SGCZ: variants seen among roughly 807,000 people sequenced by gnomAD.
SGCZ encodes sarcoglycan zeta.
Under a neutral mutation model 41.3 loss-of-function variants are expected in SGCZ, and 40 were observed. The observed-to-expected ratio is 0.97, with a 90% confidence interval of 0.75 to 1.26. The LOEUF (loss-of-function observed/expected upper bound fraction) is 1.26, where lower values mean the gene tolerates loss of function less well. Among genes scored for constraint, SGCZ ranks in the 50% most tolerant of loss-of-function variants. The pLI is 0.00. For missense variants in SGCZ, 552 were observed against 369.8 expected (o/e 1.49, Z -4.04); for synonymous variants, 206 against 137.5 (o/e 1.50, Z -3.49).
At chr8:14,818,968 A>G (rs1335662844) in intron 1 of SGCZ, among the ~76,000 whole-genome samples, 1 of 152,144 alleles carries the variant, frequency 6.6e-6, no homozygotes, top group Admixed American at 6.5e-5. Context: ...GATAGAAAAA[A>G]GAACAGAAAA....
intron 1 of SGCZ, among the ~76,000 whole-genome samples, chr8:14,728,780 T>C (rs1286138896): frequency 6.6e-6 from 1 of 152,156 alleles, no homozygotes; most frequent in Non-Finnish European, 1.5e-5. Flanking sequence ...AGAAATTAAA[T>C]GGTCACTAGG....
intron 2 of SGCZ, among the ~76,000 whole-genome samples, chr8:14,499,921 T>A (rs1802101053): frequency 6.6e-6 from 1 of 152,006 alleles, no homozygotes; most frequent in African/African-American, 2.4e-5. Flanking sequence ...TTTTTCTAGA[T>A]CCTCAAATTC....
At chr8:15,064,309 A>G (rs1368581933) in intron 1 of SGCZ, among the ~76,000 whole-genome samples, 1 of 152,146 alleles carries the variant, frequency 6.6e-6, no homozygotes, top group Non-Finnish European at 1.5e-5. Context: ...CCATATCACT[A>G]TGAATGACAT....
chr8:15,007,485 G>A (rs953771502), intron 1 of SGCZ, among the ~76,000 whole-genome samples: 6 of 152,184 alleles, frequency 3.9e-5, no homozygotes, highest in African/African-American at 1.2e-4. Context: ...TTGAAGCCAC[G>A]GTCTATGAGC....
chr8:15,032,506 G>T (rs1490501506), intron 1 of SGCZ, among the ~76,000 whole-genome samples: 1 of 152,066 alleles, frequency 6.6e-6, no homozygotes, highest in Non-Finnish European at 1.5e-5. Context: ...CAGATGCCAG[G>T]CTGGGACTTA....
chr8:14,560,420 G>C (rs1470463239), intron 1 of SGCZ, among the ~76,000 whole-genome samples: 2 of 151,904 alleles, frequency 1.3e-5, no homozygotes, highest in Non-Finnish European at 2.9e-5. Flanking sequence ...CATTTAATGG[G>C]AAGAACAAGG....
At chr8:14,944,948 G>C (rs951435691) in intron 1 of SGCZ, among the ~76,000 whole-genome samples, 3 of 152,130 alleles carry the variant, frequency 2.0e-5, no homozygotes, top group Non-Finnish European at 4.4e-5. Flanking sequence ...GCTGTTCACA[G>C]TTCCTTTTAG....
chr8:15,155,273 T>A (rs58872898), intron 1 of SGCZ, among the ~76,000 whole-genome samples: 96 of 151,896 alleles, frequency 6.3e-4, no homozygotes, highest in Non-Finnish European at 1.1e-3. Flanking sequence ...CCAGCCTGGG[T>A]GACAGACCCA....
intron 1 of SGCZ, among the ~76,000 whole-genome samples, chr8:15,169,813 C>G (rs1799775716): frequency 6.6e-6 from 1 of 152,156 alleles, no homozygotes; most frequent in African/African-American, 2.4e-5. Context: ...ATACCACAAA[C>G]TAGGGGCTTC....
At chr8:14,479,992 G>A (rs375312016) in intron 2 of SGCZ, among the ~76,000 whole-genome samples, 51 of 152,174 alleles carry the variant, frequency 3.4e-4, no homozygotes, top group East Asian at 3.1e-3. Flanking sequence ...TGATCCACCC[G>A]CCTCGGCATC....
intron 2 of SGCZ, among the ~76,000 whole-genome samples, chr8:14,419,998 T>C (rs1280741632): frequency 2.6e-5 from 4 of 152,098 alleles, no homozygotes. Context: ...ATGTGATTTG[T>C]TGAAAGTATA....
At chr8:14,367,488 A>C (rs1349338105) in intron 2 of SGCZ, among the ~76,000 whole-genome samples, 3 of 152,042 alleles carry the variant, frequency 2.0e-5, no homozygotes, top group African/African-American at 7.2e-5. Context: ...TCTTGCTGCC[A>C]TGAAGAATAC....
At chr8:15,142,767 G>A (rs549007638) in intron 1 of SGCZ, among the ~76,000 whole-genome samples, 20 of 141,612 alleles carry the variant, frequency 1.4e-4, no homozygotes, top group African/African-American at 5.0e-4. Flanking sequence ...ACACATCACC[G>A]CACCCAGCTA....
At chr8:15,162,632 A>G (rs779972379) in intron 1 of SGCZ, among the ~76,000 whole-genome samples, 20 of 152,326 alleles carry the variant, frequency 1.3e-4, no homozygotes, top group Non-Finnish European at 2.4e-4. Flanking sequence ...ACTGTGTTTC[A>G]CTTTTCATAA....
intron 1 of SGCZ, among the ~76,000 whole-genome samples, chr8:14,821,652 G>A (rs1401917691): frequency 1.3e-5 from 2 of 151,990 alleles, no homozygotes; most frequent in Middle Eastern, 3.2e-3. Flanking sequence ...ATGCAAGAAT[G>A]TCTTAACATA....
intron 7 of SGCZ, among the ~76,000 whole-genome samples, chr8:14,093,482 C>G (rs147823079): frequency 2.0e-5 from 3 of 152,092 alleles, no homozygotes; most frequent in African/African-American, 4.8e-5. Flanking sequence ...TCCTCTTGCT[C>G]CAGTTCTTGC....
chr8:14,123,967 G>T (rs544224018), intron 5 of SGCZ, among the ~76,000 whole-genome samples: 1 of 152,208 alleles, frequency 6.6e-6, no homozygotes, highest in South Asian at 2.1e-4. Flanking sequence ...GGCTAATGTT[G>T]TTAACTTTGA....
intron 3 of SGCZ, among the ~76,000 whole-genome samples, chr8:14,272,163 C>T (rs980169678): frequency 6.6e-6 from 1 of 152,074 alleles, no homozygotes; most frequent in African/African-American, 2.4e-5. Context: ...GCCACCATGC[C>T]CAGCTAATTT....
intron 5 of SGCZ, among the ~76,000 whole-genome samples, chr8:14,154,444 G>C (rs1248746219): frequency 6.6e-6 from 1 of 152,134 alleles, no homozygotes; most frequent in Non-Finnish European, 1.5e-5. Flanking sequence ...TCAGTTCATG[G>C]TATTTTGTTA....
Sources: gnomAD v4.1 joint callset for allele counts (sites outside exome capture counted in the v4.1 genomes callset) on GRCh38, gnomAD v4.1.1 for gene constraint, MANE v1.5 for transcripts, NCBI Gene and HGNC (gene_info 2026-07-23, HGNC 2026-07-21) for gene names.